Variants in DLC1 observed in about 807,000 individuals in gnomAD.
DLC1 encodes the protein DLC1 Rho GTPase activating protein.
A neutral mutation model predicts 140.3 loss-of-function variants in DLC1; 54 were observed. That is an observed-to-expected ratio of 0.38 (90% CI 0.31 to 0.48). DLC1 has a LOEUF of 0.48. DLC1 is among the 20% of genes least tolerant of loss of function. The pLI, the probability that DLC1 is intolerant of heterozygous loss-of-function variation, is 0.96. For synonymous variants in DLC1, 986 were observed against 728.1 expected, an observed-to-expected ratio of 1.35 and a Z score of -5.70; for missense variants, 2,536 against 1,907.0, an observed-to-expected ratio of 1.33 and a Z score of -6.14.
chr8:13,535,842 C>T (rs1314839474), intron 1 of DLC1, among the ~76,000 whole-genome samples: 1 of 151,914 alleles, frequency 6.6e-6, no homozygotes, highest in Non-Finnish European at 1.5e-5. Flanking sequence ...TAGATTTTGA[C>T]CAATCAGTAT....
intron 7 of DLC1, among the ~76,000 whole-genome samples, chr8:13,107,583 G>A (rs1328188963): frequency 1.3e-5 from 2 of 152,164 alleles, no homozygotes; most frequent in Non-Finnish European, 2.9e-5. Flanking sequence ...AAATCACAGG[G>A]CAAAATTTCA....
intron 2 of DLC1, among the ~76,000 whole-genome samples, chr8:13,414,450 A>G (rs1013782340): frequency 1.3e-5 from 2 of 152,164 alleles, no homozygotes; most frequent in Admixed American, 1.3e-4. Context: ...GGCTTGACCA[A>G]TTTAATGTGT....
intron 2 of DLC1, among the ~76,000 whole-genome samples, chr8:13,412,563 C>G (rs906929724): frequency 6.6e-6 from 1 of 152,034 alleles, no homozygotes; most frequent in African/African-American, 2.4e-5. Flanking sequence ...GATCACAATG[C>G]AGTAGTTGCA....
At chr8:13,364,784 TA>T (rs1478819562) in intron 4 of DLC1, among the ~76,000 whole-genome samples, 1 of 152,188 alleles carries the variant, frequency 6.6e-6, no homozygotes, top group Non-Finnish European at 1.5e-5. Context: ...ACTTTTCCCC[TA>T]ACTTAGTAAA....
chr8:13,420,712 A>G (rs1585078497), intron 2 of DLC1, among the ~76,000 whole-genome samples: 2 of 152,088 alleles, frequency 1.3e-5, no homozygotes, highest in East Asian at 1.9e-4. Flanking sequence ...AGCTTCATCC[A>G]TGTCCCTGCA....
intron 5 of DLC1, chr8:13,214,606 T>A (rs777481617): frequency 1.3e-6 from 1 of 769,008 alleles, no homozygotes; most frequent in South Asian, 1.4e-5. Context: ...AGTGCAGTGT[T>A]CTGCCAGGCA....
intron 1 of DLC1, among the ~76,000 whole-genome samples, chr8:13,551,217 G>T (rs11777802): frequency 0.66 from 100,620 of 151,438 alleles, 33,804 homozygotes; most frequent in East Asian, 0.9. Context: ...AGAAAAGTCA[G>T]TTGTAGTCGG....
At chr8:13,342,099 TTCTGATCTTGAAGAA>T (rs1037050234) in intron 4 of DLC1, 1 of 152,190 alleles carries the variant, frequency 6.6e-6, no homozygotes, top group Non-Finnish European at 1.5e-5. Context: ...CAAAAACTAT[TTCTGATCTTGAAGAA>T]TCTAACCATG....
At chr8:13,582,038 A>C (rs1018729494) in intron 1 of DLC1, among the ~76,000 whole-genome samples, 1 of 152,174 alleles carries the variant, frequency 6.6e-6, no homozygotes, top group African/African-American at 2.4e-5. Context: ...GGGTCTCTGC[A>C]AGAGAAGGGA....
At chr8:13,495,843 A>T (rs1014272429) in intron 2 of DLC1, among the ~76,000 whole-genome samples, 2 of 152,218 alleles carry the variant, frequency 1.3e-5, no homozygotes, top group Admixed American at 1.3e-4. Context: ...ATACATTTTG[A>T]AGATCCCCCT....
At chr8:13,249,258 T>C (rs999836012) in intron 5 of DLC1, among the ~76,000 whole-genome samples, 2 of 152,136 alleles carry the variant, frequency 1.3e-5, no homozygotes, top group Non-Finnish European at 2.9e-5. Flanking sequence ...TTTGTATTTT[T>C]AGTAGAGACG....
intron 4 of DLC1, among the ~76,000 whole-genome samples, chr8:13,320,690 G>A (rs949986927): frequency 6.6e-5 from 10 of 152,028 alleles, no homozygotes; most frequent in African/African-American, 2.2e-4. Flanking sequence ...GTGAGGTCTG[G>A]TTCTATTAGT....
chr8:13,123,743 G>A (rs1242425869), intron 5 of DLC1, among the ~76,000 whole-genome samples: 1 of 152,090 alleles, frequency 6.6e-6, no homozygotes, highest in African/African-American at 2.4e-5. Flanking sequence ...CTCCAAAAGG[G>A]CAAGCTTCTT....
chr8:13,314,050 C>A (rs1205907633), intron 4 of DLC1, among the ~76,000 whole-genome samples: 1 of 152,030 alleles, frequency 6.6e-6, no homozygotes, highest in Non-Finnish European at 1.5e-5. Context: ...AAATGTAGAA[C>A]ATTTATATTC....
intron 4 of DLC1, among the ~76,000 whole-genome samples, chr8:13,322,964 A>G (rs1833185328): frequency 6.6e-6 from 1 of 152,184 alleles, no homozygotes; most frequent in African/African-American, 2.4e-5. Context: ...GCTAGCAGCC[A>G]TGTCATGAGG....
At chr8:13,309,488 A>C (rs1832584173) in intron 4 of DLC1, among the ~76,000 whole-genome samples, 1 of 152,224 alleles carries the variant, frequency 6.6e-6, no homozygotes, top group Admixed American at 6.5e-5. Flanking sequence ...CGAATTTTTA[A>C]AAAGCTATTT....
chr8:13,540,012 C>T (rs373541064), intron 1 of DLC1, among the ~76,000 whole-genome samples: 6 of 152,152 alleles, frequency 3.9e-5, no homozygotes, highest in African/African-American at 1.4e-4. Context: ...GGAGACAGTT[C>T]ACAGAGATGT....
At chr8:13,545,663 A>T (rs1355300133) in intron 1 of DLC1, among the ~76,000 whole-genome samples, 1 of 152,152 alleles carries the variant, frequency 6.6e-6, no homozygotes, top group Non-Finnish European at 1.5e-5. Flanking sequence ...TGATACTAAT[A>T]ATGACAAAGT....
At chr8:13,600,609 G>A (rs1206020070) in intron 1 of DLC1, among the ~76,000 whole-genome samples, 2 of 151,806 alleles carry the variant, frequency 1.3e-5, no homozygotes, top group Non-Finnish European at 2.9e-5. Context: ...TGTAAAAATA[G>A]ATCATTGCAC....
Sources: gnomAD v4.1 joint callset for allele counts (sites outside exome capture counted in the v4.1 genomes callset) on GRCh38, gnomAD v4.1.1 for gene constraint, MANE v1.5 for transcripts, NCBI Gene and HGNC (gene_info 2026-07-23, HGNC 2026-07-21) for gene names.